EFR3A: variants seen among roughly 807,000 people sequenced by gnomAD.
EFR3A encodes protein EFR3 homolog A.
In EFR3A, 76 loss-of-function variants were observed where a neutral mutation model predicts 104.4. That is an observed-to-expected ratio of 0.73 (90% CI 0.60 to 0.88). The LOEUF (loss-of-function observed/expected upper bound fraction) is 0.88, where lower values mean the gene tolerates loss of function less well. Ranked by LOEUF, EFR3A falls within the 40% of genes least tolerant of loss-of-function variation. EFR3A has a pLI of 0.00. For synonymous variants in EFR3A, 330 were observed against 330.0 expected, an observed-to-expected ratio of 1.00 and a Z score of 0.00; for missense variants, 985 against 1,012.5, an observed-to-expected ratio of 0.97 and a Z score of 0.37.
chr8:132,010,447 T>C (rs961863852), intron 22 of EFR3A, among the ~76,000 whole-genome samples: 17 of 126,012 alleles, frequency 1.3e-4, no homozygotes, highest in Non-Finnish European at 2.2e-4. Context: ...TATATATATA[T>C]ATAATGAAAT....
intron 1 of EFR3A, among the ~76,000 whole-genome samples, chr8:131,930,660 T>A (rs1817550438): frequency 6.6e-6 from 1 of 152,102 alleles, no homozygotes; most frequent in African/African-American, 2.4e-5. Context: ...TTAGAAAATC[T>A]ACTCCCTAAT....
At chr8:131,989,815 T>C (rs536757734) in intron 18 of EFR3A, among the ~76,000 whole-genome samples, 1 of 152,288 alleles carries the variant, frequency 6.6e-6, no homozygotes, top group East Asian at 1.9e-4. Context: ...TAACTAGATC[T>C]AGAGAAAGAA....
chr8:131,988,404 AT>A (rs1375321444), intron 18 of EFR3A, among the ~76,000 whole-genome samples: 7 of 152,096 alleles, frequency 4.6e-5, no homozygotes. Context: ...ACTTAGAAAG[AT>A]TTCTGGATTA....
chr8:131,991,093 G>C (rs1821159797), intron 18 of EFR3A, among the ~76,000 whole-genome samples: 1 of 152,114 alleles, frequency 6.6e-6, no homozygotes, highest in Non-Finnish European at 1.5e-5. Context: ...GGCTGGGGAA[G>C]GTCTCACAAT....
intron 5 of EFR3A, among the ~76,000 whole-genome samples, chr8:131,951,977 C>A (rs1392718428): frequency 6.6e-6 from 1 of 152,008 alleles, no homozygotes; most frequent in African/African-American, 2.4e-5. Context: ...CAAGCTGTTA[C>A]CAAATAGAAC....
intron 5 of EFR3A, among the ~76,000 whole-genome samples, chr8:131,952,988 A>G (rs1017466117): frequency 4.6e-5 from 7 of 152,218 alleles, no homozygotes; most frequent in African/African-American, 1.4e-4. Context: ...ATATTTGACC[A>G]GAAGGAAAAT....
chr8:131,984,386 G>T (rs982916025), intron 15 of EFR3A, 86 bp downstream of exon 15: 130 of 1,307,552 alleles, frequency 9.9e-5, no homozygotes, highest in Admixed American at 1.0e-4. Flanking sequence ...CCAAGGACAT[G>T]AATTTTAAAA....
intron 8 of EFR3A, among the ~76,000 whole-genome samples, chr8:131,964,545 A>G (rs1255841330): frequency 3.3e-5 from 5 of 152,188 alleles, no homozygotes; most frequent in African/African-American, 9.7e-5. Context: ...AAGGAGAACT[A>G]CAAACCACTG....
chr8:131,930,801 T>C (rs191766180), intron 1 of EFR3A, among the ~76,000 whole-genome samples: 1 of 152,066 alleles, frequency 6.6e-6, no homozygotes, highest in Non-Finnish European at 1.5e-5. Context: ...CTGAATGTCA[T>C]AGCATTCATT....
intron 16 of EFR3A, 113 bp downstream of exon 16, chr8:131,985,173 A>G (rs1345104118): frequency 3.6e-6 from 4 of 1,110,644 alleles, no homozygotes; most frequent in South Asian, 1.7e-5. Flanking sequence ...AGGTAATTCT[A>G]TAAAAATCTA....
chr8:131,985,371 AT>A (rs1820822327), intron 16 of EFR3A, among the ~76,000 whole-genome samples: 1 of 151,978 alleles, frequency 6.6e-6, no homozygotes, highest in African/African-American at 2.4e-5. Context: ...TAGTATGTAA[AT>A]TTTCTTAAAT....
chr8:131,932,395 G>A (rs539476246), intron 1 of EFR3A, among the ~76,000 whole-genome samples: 1 of 152,200 alleles, frequency 6.6e-6, no homozygotes, highest in African/African-American at 2.4e-5. Context: ...TTTTCAAAAA[G>A]ACATTTAACA....
At chr8:131,920,956 T>C (rs1586535701) in intron 1 of EFR3A, among the ~76,000 whole-genome samples, 1 of 152,180 alleles carries the variant, frequency 6.6e-6, no homozygotes, top group Admixed American at 6.5e-5. Context: ...ATCAGACTAG[T>C]AGATGAGGGA....
intron 1 of EFR3A, among the ~76,000 whole-genome samples, chr8:131,917,457 T>A (rs1201936250): frequency 1.3e-5 from 2 of 152,244 alleles, no homozygotes; most frequent in African/African-American, 4.8e-5. Context: ...ATTAACAATT[T>A]TAAAAGTATT....
intron 18 of EFR3A, among the ~76,000 whole-genome samples, chr8:131,990,684 G>A (rs897411394): frequency 3.3e-5 from 5 of 152,152 alleles, no homozygotes; most frequent in Non-Finnish European, 7.3e-5. Context: ...TGGAGATGGG[G>A]TGACTATTTA....
intron 12 of EFR3A, among the ~76,000 whole-genome samples, chr8:131,977,829 T>G (rs1820403174): frequency 6.6e-6 from 1 of 152,128 alleles, no homozygotes; most frequent in Non-Finnish European, 1.5e-5. Flanking sequence ...ATAGCCAGAT[T>G]TATCAGTTTT....
At chr8:132,002,386 TTTTAACCCTTAGA>T in intron 20 of EFR3A, among the ~76,000 whole-genome samples, 1 of 152,276 alleles carries the variant, frequency 6.6e-6, no homozygotes, top group Admixed American at 6.5e-5. Flanking sequence ...TGATGTGTAG[TTTTAACCCTTAGA>T]TTTTTTTGGG....
chr8:131,989,904 T>C (rs1263147042), intron 18 of EFR3A, among the ~76,000 whole-genome samples: 2 of 152,206 alleles, frequency 1.3e-5, no homozygotes, highest in Non-Finnish European at 2.9e-5. Flanking sequence ...AGCTGATTAT[T>C]GTATTTTACT....
chr8:131,948,694 G>A (rs1370634659), intron 4 of EFR3A, among the ~76,000 whole-genome samples: 1 of 152,098 alleles, frequency 6.6e-6, no homozygotes, highest in African/African-American at 2.4e-5. Context: ...GATTGTTTTA[G>A]TGAGTCATTT....
Sources: allele counts gnomAD v4.1 joint callset (sites outside exome capture counted in the v4.1 genomes callset), GRCh38; gene constraint gnomAD v4.1.1; transcripts MANE v1.5; gene names NCBI Gene and HGNC (gene_info 2026-07-23, HGNC 2026-07-21).